Variants in GSG1L observed in about 807,000 individuals in gnomAD.
The protein encoded by GSG1L is germ cell-specific gene 1-like protein.
In GSG1L, 24 loss-of-function variants were observed where a neutral mutation model predicts 42.1. The ratio of observed to expected loss-of-function variants is 0.57; its 90% CI spans 0.41 to 0.80. GSG1L has a LOEUF of 0.80. GSG1L is among the 30% of genes least tolerant of loss of function. The pLI is 0.00. For synonymous variants in GSG1L, 215 were observed against 203.5 expected, an observed-to-expected ratio of 1.06 and a Z score of -0.48; for missense variants, 445 against 472.2, an observed-to-expected ratio of 0.94 and a Z score of 0.53.
intron 3 of GSG1L, among the ~76,000 whole-genome samples, chr16:27,876,246 G>T (rs2083885847): frequency 6.6e-6 from 1 of 152,146 alleles, no homozygotes; most frequent in African/African-American, 2.4e-5. Context: ...GGTGAAGGTG[G>T]CAGGGGTGAC....
At chr16:27,866,404 C>A (rs1194863368) in intron 3 of GSG1L, among the ~76,000 whole-genome samples, 1 of 152,156 alleles carries the variant, frequency 6.6e-6, no homozygotes, top group Non-Finnish European at 1.5e-5. Context: ...ATCTGCACAA[C>A]CCCACCAGTA....
chr16:27,841,415 G>A (rs1237039762), intron 4 of GSG1L, among the ~76,000 whole-genome samples: 1 of 152,210 alleles, frequency 6.6e-6, no homozygotes, highest in Non-Finnish European at 1.5e-5. Context: ...CACTCAACCG[G>A]CTTTGAGCGC....
chr16:27,922,311 A>G (rs922961293), intron 2 of GSG1L, among the ~76,000 whole-genome samples: 1 of 152,178 alleles, frequency 6.6e-6, no homozygotes, highest in African/African-American at 2.4e-5. Flanking sequence ...TTGATCCAAT[A>G]TGTTCTATTT....
intron 3 of GSG1L, among the ~76,000 whole-genome samples, chr16:27,856,971 G>C (rs2083586999): frequency 6.6e-6 from 1 of 152,198 alleles, no homozygotes; most frequent in African/African-American, 2.4e-5. Context: ...AGTTCTCTTG[G>C]AAGTTCAAGC....
chr16:27,966,375 C>T (rs757458458), intron 1 of GSG1L, among the ~76,000 whole-genome samples: 7 of 152,064 alleles, frequency 4.6e-5, no homozygotes, highest in Admixed American at 2.0e-4. Context: ...TGTGGTGGCA[C>T]GGGGCTGTAG....
intron 5 of GSG1L, among the ~76,000 whole-genome samples, chr16:27,823,588 G>A (rs1567471204): frequency 6.6e-6 from 1 of 152,124 alleles, no homozygotes; most frequent in Non-Finnish European, 1.5e-5. Context: ...GCTCCAGAAA[G>A]CCCTCTCCCA....
chr16:27,867,006 A>G (rs2083735953), intron 3 of GSG1L, among the ~76,000 whole-genome samples: 1 of 152,136 alleles, frequency 6.6e-6, no homozygotes, highest in South Asian at 2.1e-4. Context: ...GAGAGTGCCT[A>G]TTTGAAGGGG....
intron 1 of GSG1L, among the ~76,000 whole-genome samples, chr16:28,051,960 C>A (rs1490065320): frequency 6.6e-6 from 1 of 151,970 alleles, no homozygotes; most frequent in Non-Finnish European, 1.5e-5. Flanking sequence ...GTCATCCAGG[C>A]CAGAGACGGT....
rs553546726 is a variant in GSG1L at position 27,922,824 on chromosome 16, C to T, written c.398-38186G>A. The stretch of plus-strand genomic sequence containing the variant: ...GTAGAGATGGGGTCTCCCTCTGTTG[C>T]CCGGGCTGTGGTGCAGTGGTGCAAT... On this transcript the variant is annotated intron_variant, in intron 2 of 6. Coordinates refer to ENST00000447459, the MANE Select transcript of GSG1L (RefSeq NM_001109763.2). 2.2e-3 allele frequency among the ~76,000 whole-genome samples: 332 copies of T among 152,276 alleles called. 3 individuals carry two copies. The highest frequency in any genetic ancestry group is 7.5e-3 in the African/African-American group (311 of 41,562).
chr16:28,015,290 C>T (rs969016239), intron 1 of GSG1L, among the ~76,000 whole-genome samples: 7 of 152,320 alleles, frequency 4.6e-5, no homozygotes, highest in South Asian at 4.1e-4. Context: ...GATCGCTTGA[C>T]GCCAGGAGTT....
intron 3 of GSG1L, among the ~76,000 whole-genome samples, chr16:27,849,103 C>T (rs965925701): frequency 5.3e-5 from 8 of 150,016 alleles, no homozygotes; most frequent in African/African-American, 2.0e-4. Context: ...GCAGGAGAAT[C>T]GCTTAAACCT....
At chr16:27,822,145 AT>A (rs1042257654) in intron 5 of GSG1L, among the ~76,000 whole-genome samples, 20 of 152,214 alleles carry the variant, frequency 1.3e-4, no homozygotes, top group African/African-American at 4.8e-4. Flanking sequence ...CAGAAACATA[AT>A]TGTATCATTT....
At chr16:27,865,413 C>T (rs1304049904) in intron 3 of GSG1L, among the ~76,000 whole-genome samples, 3 of 151,386 alleles carry the variant, frequency 2.0e-5, no homozygotes, top group Non-Finnish European at 4.4e-5. Context: ...CAGGTCTTCT[C>T]AGCCCCTGGG....
chr16:27,942,464 C>A (rs1269849635), intron 2 of GSG1L, among the ~76,000 whole-genome samples: 2 of 134,560 alleles, frequency 1.5e-5, no homozygotes, highest in African/African-American at 5.5e-5. Context: ...ATGAGAACTT[C>A]TTAAAAGACA....
In GSG1L at chr16:27,788,580, T is replaced by C. The variant is rs1401574655; in HGVS notation, c.*2790A>G. 6.6e-6 allele frequency: 1 copy of C among 152,244 alleles called. No individual in the cohort carries two copies. Among genetic ancestry groups the C allele is most frequent in the Non-Finnish European group, 1.5e-5 (1 of 68,050 alleles). The allele number at this position is 152,244 out of a possible 1,614,324, so 9.4% of individuals were successfully genotyped here. On this transcript the variant is annotated 3_prime_UTR_variant, in exon 7 of 7. Transcript: ENST00000447459. Reference sequence around the variant, plus strand: ...TTGGGACTATTTTAAAGTCCTCTAATGTACTTTCTTTCCCTGCTATACTCT... The same window carrying C: ...TTGGGACTATTTTAAAGTCCTCTAACGTACTTTCTTTCCCTGCTATACTCT...
At position 27,898,406 on chromosome 16, in the gene GSG1L, T is replaced by A. The variant is rs75832423; in HGVS notation, c.398-13768A>T. On this transcript the variant is annotated intron_variant, in intron 2 of 6. Coordinates refer to ENST00000447459, the MANE Select transcript of GSG1L (RefSeq NM_001109763.2). ...AGTCCTCTCATCTCTCCAGGTCTCC[T>A]TTTTCCCATCTCTAAAAGGGGGCTG... Among the ~76,000 whole-genome samples, 531 of 130,268 alleles carry A rather than the reference T, an allele frequency of 4.1e-3. 5 individuals are homozygous for A. Among genetic ancestry groups the A allele is most frequent in the Middle Eastern group, 0.015 (3 of 198 alleles). 85.5% of individuals were successfully genotyped at this position (130,268 alleles called of 152,430 possible).
chr16:27,792,357 T>A (rs1305446181), intron 6 of GSG1L, among the ~76,000 whole-genome samples: 1 of 152,166 alleles, frequency 6.6e-6, no homozygotes, highest in African/African-American at 2.4e-5. Context: ...CCTGCCACTG[T>A]CTACCACACT....
intron 1 of GSG1L, among the ~76,000 whole-genome samples, chr16:27,987,465 C>G (rs1010027015): frequency 6.6e-6 from 1 of 152,140 alleles, no homozygotes; most frequent in African/African-American, 2.4e-5. Flanking sequence ...GTGTGGAGGT[C>G]TCCCTGCCCC....
intron 2 of GSG1L, among the ~76,000 whole-genome samples, chr16:27,905,575 A>T (rs1034331381): frequency 2.6e-5 from 4 of 152,104 alleles, no homozygotes; most frequent in African/African-American, 9.7e-5. Context: ...CAGCCTTCCA[A>T]AGTGCTGGGA....
Sources: allele counts gnomAD v4.1 joint callset (sites outside exome capture counted in the v4.1 genomes callset), GRCh38; gene constraint gnomAD v4.1.1; transcripts MANE v1.5; gene names NCBI Gene and HGNC (gene_info 2026-07-23, HGNC 2026-07-21).